The following MDH2 variants were observed in gnomAD, a reference collection of about 807,000 sequenced individuals.
MDH2 encodes the protein malate dehydrogenase 2.
In MDH2, 25 loss-of-function variants were observed where a neutral mutation model predicts 33.6. The ratio of observed to expected loss-of-function variants is 0.74; its 90% CI spans 0.54 to 1.04. MDH2 has a LOEUF of 1.04. MDH2 is among the 50% of genes least tolerant of loss of function. The pLI, the probability that MDH2 is intolerant of heterozygous loss-of-function variation, is 0.00. For missense variants in MDH2, 432 were observed against 445.0 expected, an observed-to-expected ratio of 0.97 and a Z score of 0.26; for synonymous variants, 193 against 188.7, an observed-to-expected ratio of 1.02 and a Z score of -0.19.
chr7:76,048,180 G>A lies in MDH2; in HGVS notation c.20G>A (p.Arg7Gln), dbSNP rs751504529. Residue 7 changes from arginine to glutamine, a missense_variant, in exon 1 of 9, where the codon CGG becomes CAG. Physicochemically the swap from Arg to Gln is conservative, Grantham distance 43. Transcript: ENST00000315758. ...CCAGCCATGCTCTCCGCCCTCGCCCGGCCTGCCAGCGCTGCTCTCCGCCGC... is the reference window on the plus strand; with the variant it reads ...CCAGCCATGCTCTCCGCCCTCGCCCAGCCTGCCAGCGCTGCTCTCCGCCGC... MLSALA[R>Q]PASAALRRSF... 55 of 1,536,442 alleles carry A rather than the reference G, an allele frequency of 3.6e-5. No homozygotes were observed. In the East Asian group the frequency reaches 6.1e-4, roughly 17 times the overall value.
intron 1 of MDH2, chr7:76,049,146 A>G (rs1797496485): frequency 8.2e-6 from 8 of 970,280 alleles, no homozygotes; most frequent in Non-Finnish European, 9.8e-6. Context: ...TTTCCTGTAC[A>G]TCCAGTTCAT....
In MDH2 at chr7:76,065,066, G is replaced by A. The variant is rs1412402116; in HGVS notation, c.885+113G>A. The A allele has an allele frequency of 5.4e-6, 7 of 1,292,790 alleles. No individual in the cohort carries two copies. In the African/African-American group the frequency reaches 1.0e-4, roughly 19 times the overall value. The allele number at this position is 1,292,790 out of a possible 1,614,324, so 80.1% of individuals were successfully genotyped here. On this transcript the variant is annotated intron_variant, in intron 8 of 8. Coordinates refer to ENST00000315758, the MANE Select transcript of MDH2 (RefSeq NM_005918.4). Reference sequence around the variant, plus strand: ...TGCAGTAAGCTCATGTGCCTGCCTGGCGAGTGCTGTTGTTTTCAAGGGTGG... The same window carrying A: ...TGCAGTAAGCTCATGTGCCTGCCTGACGAGTGCTGTTGTTTTCAAGGGTGG...
chr7:76,057,605 C>T (rs1554586437), intron 3 of MDH2, 112 bp downstream of exon 3: 6 of 1,038,974 alleles, frequency 5.8e-6, no homozygotes, highest in Non-Finnish European at 8.6e-6. Flanking sequence ...GGAAAAATGT[C>T]ACCAGCTCCC....
chr7:76,064,288 C>G, intron 6 of MDH2, 51 bp from the exon 7 acceptor site: 1 of 1,447,744 alleles, frequency 6.9e-7, no homozygotes, highest in Non-Finnish European at 9.5e-7. Flanking sequence ...GGCAGTGGGT[C>G]TGGGGTCATG....
chr7:76,049,693 AAC>A (rs1460034550), intron 1 of MDH2, among the ~76,000 whole-genome samples: 2 of 152,268 alleles, frequency 1.3e-5, no homozygotes, highest in East Asian at 1.9e-4. Flanking sequence ...CGGTGAACAA[AAC>A]ACAGAAGTCC....
rs1258651185 is a variant in MDH2 at position 76,063,405 on chromosome 7, C to A, written c.556-110C>A. ...GGGCCTCCTCCTAGCTGGCTCTGTT[C>A]CACCCTGAGTTCTGGGGGGCTTTTC... is the stretch of plus-strand genomic sequence containing the variant. On this transcript the variant is annotated intron_variant, in intron 5 of 8. Transcript: ENST00000315758. The A allele has an allele frequency of 3.9e-6, 4 of 1,036,202 alleles. No individual in the cohort carries two copies. The Admixed American group carries it at 7.8e-5, about 20-fold the overall frequency. 64.2% of individuals were successfully genotyped at this position (1,036,202 alleles called of 1,614,324 possible).
rs372461340 is a variant in MDH2, at chr7:76,064,467, G to A, written c.733+29G>A. 1.8e-3 allele frequency: 2,771 copies of A among 1,572,058 alleles called. 2 individuals are homozygous for A. The highest frequency in any genetic ancestry group is 2.2e-3 in the Non-Finnish European group (2,508 of 1,148,394). On this transcript the variant is annotated intron_variant, in intron 7 of 8. Transcript: ENST00000315758. ...GAGTCTCAGGCAGCCCCGGGGCTGG[G>A]TGCCAGTGAGGCCCTGCGAGAGCTC...
At chr7:76,064,302 C>T (rs782362302) in intron 6 of MDH2, 37 bp from the exon 7 acceptor site, 40 of 1,542,886 alleles carry the variant, frequency 2.6e-5, no homozygotes, top group South Asian at 1.2e-4. Flanking sequence ...GGTCATGGGC[C>T]GGAAGCCACT....
Position 76,054,909 on chromosome 7 carries a change from T to C in MDH2, c.146T>C (p.Leu49Ser), listed in dbSNP as rs1554585976. The C allele has an allele frequency of 2.5e-6, 4 of 1,614,138 alleles. No individual in the cohort carries two copies. Among genetic ancestry groups the C allele is most frequent in the Non-Finnish European group, 3.4e-6 (4 of 1,180,012 alleles). ...TCACTTCTCCTGAAGAACAGCCCCT[T>C]GGTGAGCCGCCTGACCCTCTATGAT... ...PLSLLLKNSP[L>S]VSRLTLYDIA... The change falls in exon 2 of 9, where the codon TTG (leucine) becomes TCG (serine). Residue 49 changes from leucine (L) to serine (S), a missense_variant. Leu to Ser is a moderately radical substitution (Grantham distance 145). Transcript: ENST00000315758.
In MDH2 at chr7:76,066,623, T is replaced by C; in HGVS notation, c.*213T>C. On this transcript the variant is annotated 3_prime_UTR_variant, in exon 9 of 9. Transcript: ENST00000315758. ...AGGTCCCTTCTGTAAATGCTGTGCT[T>C]TCTTCCCTGTGAGAGCCAACTTTAG... 1 of 495,536 alleles carries C rather than the reference T, an allele frequency of 2.0e-6. No individual in the cohort carries two copies. Among genetic ancestry groups the C allele is most frequent in the Non-Finnish European group, 3.3e-6 (1 of 299,798 alleles). 30.7% of individuals were successfully genotyped at this position (495,536 alleles called of 1,614,324 possible).
chr7:76,066,343 C>G lies in MDH2; in HGVS notation c.950C>G (p.Ser317Trp). Residue 317 changes from serine (S) to tryptophan (W), a missense_variant, in exon 9 of 9, where the codon TCG becomes TGG. Coordinates refer to ENST00000315758, the MANE Select transcript of MDH2 (RefSeq NM_005918.4). Reference protein sequence around the residue: ...KVSSFEEKMISDAIPELKASI... With the variant: ...KVSSFEEKMIWDAIPELKASI... ...TCCTCTTTTGAGGAGAAGATGATCTCGGATGCCATCCCCGAGCTGAAGGCC... is the reference window on the plus strand; with the variant it reads ...TCCTCTTTTGAGGAGAAGATGATCTGGGATGCCATCCCCGAGCTGAAGGCC... The G allele has an allele frequency of 6.2e-7, 1 of 1,610,680 alleles. No individual in the cohort carries two copies. Among genetic ancestry groups the G allele is most frequent in the South Asian group, 1.1e-5 (1 of 90,698 alleles).
At chr7:76,062,222 T>C (rs1554587122) in intron 5 of MDH2, among the ~76,000 whole-genome samples, 1 of 152,238 alleles carries the variant, frequency 6.6e-6, no homozygotes, top group African/African-American at 2.4e-5. Context: ...TCAACGTGGC[T>C]CCAGGACCTC....
chr7:76,060,508 G>A lies in MDH2; in HGVS notation c.555+10G>A, dbSNP rs1554586858. ...TGTTGCAGAGCTGAAGGTAAGGGCG[G>A]CGTGGGTGTTGCTCAGGTGACCTTT... On this transcript the variant is annotated intron_variant, in intron 5 of 8. Coordinates refer to ENST00000315758, the MANE Select transcript of MDH2 (RefSeq NM_005918.4). 1.2e-6 allele frequency: 2 copies of A among 1,613,774 alleles called. No individual in the cohort carries two copies. The highest frequency in any genetic ancestry group is 1.1e-5 in the South Asian group (1 of 91,058).
At position 76,054,942 on chromosome 7, in the gene MDH2, A is replaced by G. The variant is rs781880905; in HGVS notation, c.179A>G (p.His60Arg). The change falls in exon 2 of 9, where the codon CAC (histidine) becomes CGC (arginine). Residue 60 changes from histidine (H) to arginine (R), a missense_variant. Physicochemically the swap from His to Arg is conservative, Grantham distance 29. Coordinates refer to ENST00000315758, the MANE Select transcript of MDH2 (RefSeq NM_005918.4). ...CGCCTGACCCTCTATGATATCGCGC[A>G]CACACCCGGAGTGGCCGCAGATCTG... Reference protein sequence around the residue: ...VSRLTLYDIAHTPGVAADLSH... With the variant: ...VSRLTLYDIARTPGVAADLSH... 3 of 1,614,058 alleles carry G rather than the reference A, an allele frequency of 1.9e-6. No homozygotes were observed. Among genetic ancestry groups the G allele is most frequent in the Non-Finnish European group, 1.7e-6 (2 of 1,180,022 alleles).
intron 2 of MDH2, among the ~76,000 whole-genome samples, chr7:76,056,663 ATATT>A (rs1554586325): frequency 6.6e-6 from 1 of 152,182 alleles, no homozygotes; most frequent in African/African-American, 2.4e-5. Flanking sequence ...CGAAATAGTA[ATATT>A]TAGAGTCTTT....
Position 76,054,849 on chromosome 7 carries a change from T to C in MDH2, c.86T>C (p.Val29Ala), listed in dbSNP as rs1554585954. Residue 29 changes from valine to alanine, a missense_variant, in exon 2 of 9, where the codon GTG becomes GCG. Physicochemically the swap from Val to Ala is moderately conservative, Grantham distance 64. Transcript: ENST00000315758. ...TSAQNNAKVA[V>A]LGASGGIGQP... ...TTTTAGAACAATGCTAAAGTAGCTG[T>C]GCTAGGGGCCTCTGGAGGCATCGGG... The C allele has an allele frequency of 7.4e-6, 12 of 1,614,154 alleles. No individual in the cohort carries two copies. The highest frequency in any genetic ancestry group is 1.0e-5 in the Non-Finnish European group (12 of 1,180,016).
chr7:76,051,549 G>A (rs1797626754), intron 1 of MDH2, among the ~76,000 whole-genome samples: 2 of 151,970 alleles, frequency 1.3e-5, no homozygotes, highest in Admixed American at 6.6e-5. Context: ...TCAAACTCCC[G>A]ACCTCAGGTG....
chr7:76,059,819 C>G (rs1321435960), intron 4 of MDH2, among the ~76,000 whole-genome samples: 1 of 152,240 alleles, frequency 6.6e-6, no homozygotes, highest in Admixed American at 6.5e-5. Context: ...TAATAGAAAC[C>G]TGGCCATTCT....
intron 4 of MDH2, 53 bp from the exon 5 acceptor site, chr7:76,060,320 G>T (rs1554586815): frequency 1.3e-4 from 202 of 1,592,998 alleles, no homozygotes; most frequent in Admixed American, 9.4e-4. Flanking sequence ...GCTGTGGCTT[G>T]GCCCTGCTCT....
Sources: allele counts gnomAD v4.1 joint callset (sites outside exome capture counted in the v4.1 genomes callset), GRCh38; gene constraint gnomAD v4.1.1; transcripts MANE v1.5; gene names NCBI Gene and HGNC (gene_info 2026-07-23, HGNC 2026-07-21).